The following CCSER2 variants were observed in gnomAD, a reference collection of about 807,000 sequenced individuals.
CCSER2 encodes the protein coiled-coil serine rich protein 2, also known as serine-rich coiled-coil domain-containing protein 2.
A neutral mutation model predicts 92.3 loss-of-function variants in CCSER2; 46 were observed. The ratio of observed to expected loss-of-function variants is 0.50; its 90% CI spans 0.39 to 0.64. The LOEUF is 0.64. Ranked by LOEUF, CCSER2 falls within the 30% of genes least tolerant of loss-of-function variation. The probability of loss-of-function intolerance (pLI) is 0.00; values close to 1 mark genes in which losing one functional copy is unlikely to be tolerated. For missense variants in CCSER2, 1,244 were observed against 1,238.9 expected (o/e 1.00, Z -0.06); for synonymous variants, 433 against 431.4 (o/e 1.00, Z -0.04).
chr10:84,447,380 T>C (rs1229939142), intron 6 of CCSER2, among the ~76,000 whole-genome samples: 1 of 152,218 alleles, frequency 6.6e-6, no homozygotes, highest in Non-Finnish European at 1.5e-5. Flanking sequence ...TATGGAATGT[T>C]TGTTGCCCGA....
intron 3 of CCSER2, among the ~76,000 whole-genome samples, chr10:84,413,106 ATT>A (rs200646710): frequency 2.2e-4 from 30 of 133,412 alleles, no homozygotes; most frequent in Non-Finnish European, 2.4e-4. Context: ...GGATTCATTG[ATT>A]TTTTTTTTTT....
intron 5 of CCSER2, among the ~76,000 whole-genome samples, chr10:84,433,322 T>C (rs1402012274): frequency 6.6e-6 from 1 of 152,192 alleles, no homozygotes; most frequent in African/African-American, 2.4e-5. Context: ...ATTTAACTTT[T>C]AGTATAAAGT....
At position 84,339,850 on chromosome 10, in the gene CCSER2, T is replaced by A. The variant is rs375464117; in HGVS notation, c.-40+11042T>A. Among the ~76,000 whole-genome samples the A allele has an allele frequency of 2.8e-4, 43 of 151,518 alleles. No homozygotes were observed. In the East Asian group the frequency reaches 4.5e-3, roughly 16 times the overall value. ...AATCACTTTATCTTTTTTATTTTTT[T>A]ATTTTTTTGAGACGGAGTTTCACTC... is the stretch of plus-strand genomic sequence containing the variant. On this transcript the variant is annotated intron_variant, in intron 1 of 9. Coordinates refer to ENST00000372088, the MANE Select transcript of CCSER2 (RefSeq NM_001284240.2).
intron 8 of CCSER2, among the ~76,000 whole-genome samples, chr10:84,471,380 G>C (rs1347845663): frequency 2.0e-5 from 3 of 151,886 alleles, no homozygotes; most frequent in African/African-American, 7.3e-5. Flanking sequence ...CAAAGCCAAA[G>C]ACAAGAACCC....
At chr10:84,329,410 C>A (rs1264366755) in intron 1 of CCSER2, among the ~76,000 whole-genome samples, 1 of 152,160 alleles carries the variant, frequency 6.6e-6, no homozygotes, top group Non-Finnish European at 1.5e-5. Flanking sequence ...GTTTCCATTT[C>A]AGTAATTGCA....
rs375539616 is a variant in CCSER2 at position 84,371,360 on chromosome 10, G to T, written c.308G>T (p.Gly103Val). Residue 103 changes from glycine to valine, a missense_variant, in exon 2 of 10, where the codon GGA becomes GTA. Coordinates refer to ENST00000372088, the MANE Select transcript of CCSER2 (RefSeq NM_001284240.2). Reference protein sequence around the residue: ...IDPEKRVPTQGMFDKNGIKGG... With the variant: ...IDPEKRVPTQVMFDKNGIKGG... ...CCTGAAAAACGTGTTCCTACTCAAG[G>T]AATGTTTGATAAAAATGGGATAAAG... 6.2e-6 allele frequency: 10 copies of T among 1,613,508 alleles called. No homozygotes were observed. In the African/African-American group the frequency reaches 8.0e-5, roughly 13 times the overall value.
At chr10:84,493,724 C>T (rs578177904) in intron 9 of CCSER2, among the ~76,000 whole-genome samples, 11 of 152,206 alleles carry the variant, frequency 7.2e-5, no homozygotes, top group Admixed American at 2.0e-4. Context: ...GACAACTTTT[C>T]CACAGATGGG....
chr10:84,409,424 G>A (rs1042593732), intron 3 of CCSER2, among the ~76,000 whole-genome samples: 11 of 152,238 alleles, frequency 7.2e-5, no homozygotes, highest in African/African-American at 2.6e-4. Context: ...ACAGGCATTA[G>A]CCACTTTGCC....
At chr10:84,498,483 A>C (rs1848563914) in intron 9 of CCSER2, among the ~76,000 whole-genome samples, 1 of 150,236 alleles carries the variant, frequency 6.7e-6, no homozygotes, top group African/African-American at 2.5e-5. Context: ...TGGATCTTTT[A>C]TGTTTCTGTT....
chr10:84,451,264 T>TG (rs1554853083), intron 6 of CCSER2, among the ~76,000 whole-genome samples: 17 of 136,272 alleles, frequency 1.2e-4, no homozygotes, highest in Non-Finnish European at 2.3e-4. Context: ...GTTTTTTTTT[T>TG]TTGTTTTTTG....
chr10:84,348,888 T>C (rs946559249), intron 1 of CCSER2, among the ~76,000 whole-genome samples: 7 of 152,196 alleles, frequency 4.6e-5, no homozygotes, highest in African/African-American at 1.7e-4. Flanking sequence ...TATATGTATA[T>C]ATGAATAGGT....
chr10:84,377,377 G>T (rs1846393605), intron 3 of CCSER2, among the ~76,000 whole-genome samples: 1 of 152,118 alleles, frequency 6.6e-6, no homozygotes, highest in African/African-American at 2.4e-5. Flanking sequence ...TCTGTATGGT[G>T]TGAGATAGAT....
At chr10:84,403,899 GCTC>G (rs1416149275) in intron 3 of CCSER2, among the ~76,000 whole-genome samples, 2 of 152,284 alleles carry the variant, frequency 1.3e-5, no homozygotes, top group African/African-American at 4.8e-5. Context: ...GCCTCTTTGT[GCTC>G]TAGAAGATAA....
At chr10:84,498,261 A>C (rs1848551500) in intron 9 of CCSER2, among the ~76,000 whole-genome samples, 1 of 152,260 alleles carries the variant, frequency 6.6e-6, no homozygotes, top group African/African-American at 2.4e-5. Context: ...TTGAACCAAA[A>C]CATTTCACAA....
rs1402179014 is a variant in CCSER2, at chr10:84,329,686, G to C, written c.-40+878G>C. 2.6e-5 allele frequency among the ~76,000 whole-genome samples: 4 copies of C among 152,112 alleles called. No homozygotes were observed. In the East Asian group the frequency reaches 7.7e-4, roughly 29 times the overall value. On this transcript the variant is annotated intron_variant, in intron 1 of 9. Transcript: ENST00000372088. ...ATCATCTTTTAGACTAGAGACTTTA[G>C]AGATGGCAGCTGCTCTTTAACCAAA...
chr10:84,415,094 C>A (rs1286774502), intron 3 of CCSER2, among the ~76,000 whole-genome samples: 1 of 152,132 alleles, frequency 6.6e-6, no homozygotes, highest in Non-Finnish European at 1.5e-5. Flanking sequence ...ATAACATGCT[C>A]CTTTAGCTCA....
At chr10:84,486,575 C>A (rs902501552) in intron 9 of CCSER2, among the ~76,000 whole-genome samples, 1 of 152,190 alleles carries the variant, frequency 6.6e-6, no homozygotes, top group African/African-American at 2.4e-5. Flanking sequence ...CCTTTGCCCA[C>A]TTGTTGATGG....
At chr10:84,501,184 G>A (rs772237486) in intron 9 of CCSER2, among the ~76,000 whole-genome samples, 3 of 151,794 alleles carry the variant, frequency 2.0e-5, no homozygotes, top group East Asian at 1.9e-4. Flanking sequence ...CACTTCTCTC[G>A]TCTTCAAGTA....
At chr10:84,367,854 T>C (rs1255228904) in intron 1 of CCSER2, among the ~76,000 whole-genome samples, 1 of 152,192 alleles carries the variant, frequency 6.6e-6, no homozygotes. Flanking sequence ...TGTTCTGTGT[T>C]ACAAGAAACT....
Sources: allele counts gnomAD v4.1 joint callset (sites outside exome capture counted in the v4.1 genomes callset), GRCh38; gene constraint gnomAD v4.1.1; transcripts MANE v1.5; gene names NCBI Gene and HGNC (gene_info 2026-07-23, HGNC 2026-07-21).